Variants in IL1RAPL2 observed in about 807,000 individuals in gnomAD.
IL1RAPL2 encodes interleukin 1 receptor accessory protein like 2.
IL1RAPL2 carries 3 observed loss-of-function variants against 44.1 expected under a neutral mutation model. That is an observed-to-expected ratio of 0.07 (90% CI 0.03 to 0.18). The LOEUF (loss-of-function observed/expected upper bound fraction) is 0.18. IL1RAPL2 is among the 10% of genes least tolerant of loss of function. The pLI is 1.00. For synonymous variants in IL1RAPL2, 181 were observed against 178.8 expected (o/e 1.01, Z -0.10); for missense variants, 391 against 496.4 (o/e 0.79, Z 2.02).
chrX:104,929,995 T>G (rs962464501), intron 2 of IL1RAPL2, among the ~76,000 whole-genome samples: 4 of 112,022 alleles, frequency 3.6e-5, no homozygotes, highest in Non-Finnish European at 7.5e-5. Flanking sequence ...TATTGCTTAC[T>G]TGTTGTACCC....
At chrX:105,397,514 A>C (rs1217026567) in intron 5 of IL1RAPL2, among the ~76,000 whole-genome samples, 2 of 111,605 alleles carry the variant, frequency 1.8e-5, no homozygotes, top group African/African-American at 6.5e-5. Flanking sequence ...AGCTAGATTG[A>C]GACAAAACAT....
chrX:105,751,402 ATAAT>A (rs1414512077), intron 9 of IL1RAPL2, among the ~76,000 whole-genome samples: 2 of 112,120 alleles, frequency 1.8e-5, no homozygotes, highest in Non-Finnish European at 3.8e-5. Flanking sequence ...TTAATCTACA[ATAAT>A]TAATTACCTT....
intron 2 of IL1RAPL2, among the ~76,000 whole-genome samples, chrX:104,898,117 G>T (rs773926182): frequency 1.8e-4 from 20 of 112,016 alleles, no homozygotes; most frequent in Non-Finnish European, 3.6e-4. Context: ...AGAGATAGGA[G>T]ACCTAAATTT....
intron 6 of IL1RAPL2, among the ~76,000 whole-genome samples, chrX:105,556,073 G>A (rs1320426485): frequency 1.8e-5 from 2 of 111,401 alleles, no homozygotes; most frequent in African/African-American, 6.5e-5. Context: ...CTTTAATCCA[G>A]AGGCATTATT....
intron 2 of IL1RAPL2, among the ~76,000 whole-genome samples, chrX:105,158,214 T>C (rs2033286489): frequency 0.022 from 1 of 46 alleles, no homozygotes; most frequent in South Asian, 0.5. Context: ...AAAAATTACC[T>C]GGGTGTGGTG....
intron 2 of IL1RAPL2, among the ~76,000 whole-genome samples, chrX:104,877,946 A>T (rs910210338): frequency 8.9e-6 from 1 of 112,336 alleles, no homozygotes. Flanking sequence ...GCCTCCACAC[A>T]GTAGCACATT....
chrX:104,800,751 C>T (rs756896858), intron 2 of IL1RAPL2, among the ~76,000 whole-genome samples: 48 of 112,564 alleles, frequency 4.3e-4, no homozygotes, highest in Middle Eastern at 4.7e-3. Context: ...AATGCACTAT[C>T]CCCCAGCAGA....
intron 6 of IL1RAPL2, among the ~76,000 whole-genome samples, chrX:105,532,988 G>A (rs920022597): frequency 2.7e-5 from 3 of 110,084 alleles, no homozygotes; most frequent in African/African-American, 6.6e-5. Flanking sequence ...TCAGGATTTC[G>A]AGACCAGCCT....
intron 2 of IL1RAPL2, among the ~76,000 whole-genome samples, chrX:104,696,382 G>A (rs1472540084): frequency 8.9e-6 from 1 of 111,874 alleles, no homozygotes; most frequent in Admixed American, 9.5e-5. Flanking sequence ...CAGCAGCATT[G>A]GCATCACTTA....
chrX:105,155,762 C>A (rs1259900989), intron 2 of IL1RAPL2, among the ~76,000 whole-genome samples: 1 of 110,929 alleles, frequency 9.0e-6, no homozygotes, highest in Non-Finnish European at 1.9e-5. Context: ...ATGTGCAAAG[C>A]ATTATGGAAG....
At chrX:104,620,406 G>A (rs1211929652) in intron 1 of IL1RAPL2, among the ~76,000 whole-genome samples, 2 of 108,284 alleles carry the variant, frequency 1.8e-5, no homozygotes. Context: ...TTGGGAGGCC[G>A]AGGCGGGCGG....
chrX:104,687,744 T>A (rs1189004076), intron 2 of IL1RAPL2, among the ~76,000 whole-genome samples: 4 of 110,937 alleles, frequency 3.6e-5, no homozygotes, highest in Non-Finnish European at 5.7e-5. Context: ...TACTACCTAA[T>A]CTTAAAACAA....
intron 6 of IL1RAPL2, among the ~76,000 whole-genome samples, chrX:105,655,318 T>C (rs965240356): frequency 4.4e-5 from 5 of 112,739 alleles, no homozygotes; most frequent in African/African-American, 1.6e-4. Flanking sequence ...TCTCCCACCA[T>C]ATAACATCTC....
At chrX:104,694,482 A>G in intron 2 of IL1RAPL2, among the ~76,000 whole-genome samples, 1 of 111,892 alleles carries the variant, frequency 8.9e-6, no homozygotes. Context: ...AGTTGATGTC[A>G]CTTCTGTTCG....
intron 5 of IL1RAPL2, among the ~76,000 whole-genome samples, chrX:105,461,656 A>C (rs962840424): frequency 2.7e-5 from 3 of 111,725 alleles, no homozygotes; most frequent in African/African-American, 9.8e-5. Context: ...TGATCCTTCC[A>C]TCAGAATTAC....
chrX:104,806,008 A>G (rs1932920440), intron 2 of IL1RAPL2, among the ~76,000 whole-genome samples: 1 of 112,075 alleles, frequency 8.9e-6, no homozygotes, highest in African/African-American at 3.2e-5. Context: ...AAATAGTGAT[A>G]GCCAGGCCCA....
intron 2 of IL1RAPL2, among the ~76,000 whole-genome samples, chrX:104,969,287 T>C (rs2030187941): frequency 9.0e-6 from 1 of 110,617 alleles, no homozygotes; most frequent in Non-Finnish European, 1.9e-5. Flanking sequence ...GGCTGTTCAA[T>C]AAATGGCACT....
Position 105,206,444 on chromosome X carries a change from T to C in IL1RAPL2, c.356+10696T>C, listed in dbSNP as rs1556152373. Among the ~76,000 whole-genome samples, 4 of 111,921 alleles carry C rather than the reference T, an allele frequency of 3.6e-5. No homozygotes were observed. In the Admixed American group the frequency reaches 3.8e-4, roughly 11 times the overall value. On this transcript the variant is annotated intron_variant, in intron 3 of 10. Transcript: ENST00000372582. ...TGGAAAGGTTTGACTCCAGAGCTCA[T>C]ACACATTATCAGTTTTCTCTACTGT...
At chrX:105,098,857 G>A (rs1003759477) in intron 2 of IL1RAPL2, among the ~76,000 whole-genome samples, 1 of 111,864 alleles carries the variant, frequency 8.9e-6, no homozygotes, top group African/African-American at 3.2e-5. Flanking sequence ...AAAATCTATG[G>A]GATAAGTTTA....
Sources: allele counts gnomAD v4.1 joint callset (sites outside exome capture counted in the v4.1 genomes callset), GRCh38; gene constraint gnomAD v4.1.1; transcripts MANE v1.5; gene names NCBI Gene and HGNC (gene_info 2026-07-23, HGNC 2026-07-21).